Variants in SLC1A2 observed in about 807,000 individuals in gnomAD.
The protein encoded by SLC1A2 is excitatory amino acid transporter 2.
In SLC1A2, 15 loss-of-function variants were observed where a neutral mutation model predicts 48.8. The ratio of observed to expected loss-of-function variants is 0.31; its 90% CI spans 0.21 to 0.47. SLC1A2 has a LOEUF of 0.47. Ranked by LOEUF, SLC1A2 falls within the 20% of genes least tolerant of loss-of-function variation. The probability of loss-of-function intolerance (pLI) is 0.99; values close to 1 mark genes in which losing one functional copy is unlikely to be tolerated. For synonymous variants in SLC1A2, 279 were observed against 272.6 expected (o/e 1.02, Z -0.23); for missense variants, 502 against 730.5 (o/e 0.69, Z 3.61).
chr11:35,319,407 G>A (rs527998370), intron 1 of SLC1A2, among the ~76,000 whole-genome samples: 2 of 152,150 alleles, frequency 1.3e-5, no homozygotes, highest in South Asian at 2.1e-4. Flanking sequence ...GGTAGTATGC[G>A]TTCTGAAATG....
At chr11:35,263,040 G>A (rs1950417621) in intron 10 of SLC1A2, among the ~76,000 whole-genome samples, 1 of 152,192 alleles carries the variant, frequency 6.6e-6, no homozygotes. Flanking sequence ...CCTACAACAT[G>A]CCAGACACTA....
Position 35,317,487 on chromosome 11 carries a change from A to G in SLC1A2, c.47T>C (p.Val16Ala). 6.2e-7 allele frequency: 1 copy of G among 1,614,020 alleles called. No homozygotes were observed. The highest frequency in any genetic ancestry group is 8.5e-7 in the Non-Finnish European group (1 of 1,179,990). The change falls in exon 2 of 11, where the codon GTG (valine) becomes GCG (alanine). Residue 16 changes from valine to alanine, a missense_variant. By Grantham distance (64) the Val-to-Ala change is moderately conservative. Transcript: ENST00000278379. ...GCCAAGATGACTGTCGTGCATTCGC[A>G]CTTCCACCTGCTTGGGCATATTGTT... is the stretch of plus-strand genomic sequence containing the variant. ...GANNMPKQVE[V>A]RMHDSHLGSE...
intron 1 of SLC1A2, among the ~76,000 whole-genome samples, chr11:35,333,344 G>C (rs1852492635): frequency 6.6e-6 from 1 of 151,664 alleles, no homozygotes; most frequent in Admixed American, 6.6e-5. Context: ...TTGAACCTGG[G>C]AGGCGGAGGC....
chr11:35,379,681 A>G (rs1169437011), intron 1 of SLC1A2, among the ~76,000 whole-genome samples: 1 of 152,246 alleles, frequency 6.6e-6, no homozygotes, highest in East Asian at 1.9e-4. Context: ...TTATGGATGG[A>G]AACAATGCTA....
intron 1 of SLC1A2, among the ~76,000 whole-genome samples, chr11:35,358,059 C>T (rs979428605): frequency 1.3e-5 from 2 of 151,914 alleles, no homozygotes; most frequent in Admixed American, 6.6e-5. Flanking sequence ...GCAGTAGAAT[C>T]GCTCAAACCC....
rs76927024 is a variant in SLC1A2, at chr11:35,416,867, A to G, written c.17+2083T>C. Among the ~76,000 whole-genome samples the G allele has an allele frequency of 4.2e-3, 634 of 152,368 alleles. 29 individuals carry two copies. The East Asian group carries it at 0.095, about 23-fold the overall frequency. ...ATGAGTCCACGTGAACAATTTACTAATAAAAATCCTTGACTGGATGGAGCT... is the reference window on the plus strand; with the variant it reads ...ATGAGTCCACGTGAACAATTTACTAGTAAAAATCCTTGACTGGATGGAGCT... On this transcript the variant is annotated intron_variant, in intron 1 of 10. Transcript: ENST00000278379.
intron 10 of SLC1A2, among the ~76,000 whole-genome samples, chr11:35,263,671 T>C (rs1330223769): frequency 1.3e-5 from 2 of 152,206 alleles, no homozygotes; most frequent in Non-Finnish European, 2.9e-5. Flanking sequence ...AATATAATTA[T>C]GAAATGTTTA....
intron 4 of SLC1A2, among the ~76,000 whole-genome samples, chr11:35,308,652 G>A (rs1161491327): frequency 6.6e-6 from 1 of 152,146 alleles, no homozygotes; most frequent in Non-Finnish European, 1.5e-5. Context: ...TCCCATCCAT[G>A]AAAGCAGAGA....
At chr11:35,367,659 T>C (rs961439305) in intron 1 of SLC1A2, among the ~76,000 whole-genome samples, 1 of 152,234 alleles carries the variant, frequency 6.6e-6, no homozygotes, top group Non-Finnish European at 1.5e-5. Flanking sequence ...TGACGTTTAT[T>C]ATGATCCACG....
intron 1 of SLC1A2, among the ~76,000 whole-genome samples, chr11:35,413,029 G>T (rs911972132): frequency 2.0e-5 from 3 of 152,192 alleles, no homozygotes; most frequent in Non-Finnish European, 4.4e-5. Flanking sequence ...ACATAGAAAT[G>T]AGATTTTGAA....
At chr11:35,409,778 G>A (rs780993920) in intron 1 of SLC1A2, among the ~76,000 whole-genome samples, 19 of 152,062 alleles carry the variant, frequency 1.2e-4, no homozygotes, top group South Asian at 4.2e-4. Context: ...GCATCGTGGT[G>A]CGTACCTGTA....
intron 1 of SLC1A2, among the ~76,000 whole-genome samples, chr11:35,412,950 A>G (rs1459956845): frequency 6.6e-6 from 1 of 150,894 alleles, no homozygotes; most frequent in African/African-American, 2.4e-5. Context: ...CCCAGACCAA[A>G]GTTAAAGAAA....
At chr11:35,316,654 T>C (rs189096017) in intron 2 of SLC1A2, 4 of 152,468 alleles carry the variant, frequency 2.6e-5, no homozygotes, top group Admixed American at 1.3e-4. Context: ...CTGTGAAACC[T>C]AAGTGAGAGC....
At chr11:35,325,323 T>C (rs1413610810) in intron 1 of SLC1A2, among the ~76,000 whole-genome samples, 2 of 152,228 alleles carry the variant, frequency 1.3e-5, no homozygotes, top group Non-Finnish European at 2.9e-5. Context: ...GTTTGCTTTG[T>C]AGATGCAGTT....
chr11:35,301,617 G>A lies in SLC1A2; in HGVS notation c.759C>T (p.Gly253=). The A allele has an allele frequency of 6.2e-7, 1 of 1,613,680 alleles. No individual in the cohort carries two copies. The change falls in exon 6 of 11, where the codon GGC becomes GGT. Residue 253 remains glycine (G), a synonymous_variant. Transcript: ENST00000278379. ...LGLIGFFIAF[G]IAMGKMGDQA... The stretch of plus-strand genomic sequence containing the variant: ...GATCTCCCATCTTCCCCATAGCGAT[G>A]CCAAAAGCAATGAAAAACCCTATCA...
intron 1 of SLC1A2, among the ~76,000 whole-genome samples, chr11:35,319,279 T>C (rs560302408): frequency 6.6e-5 from 10 of 152,318 alleles, no homozygotes; most frequent in Admixed American, 6.5e-4. Flanking sequence ...CAAAATGACC[T>C]TTTTAACGTG....
intron 2 of SLC1A2, chr11:35,315,664 G>A (rs114930762): frequency 0.033 from 5,108 of 154,810 alleles, 94 homozygotes; most frequent in Middle Eastern, 0.063. Context: ...GTGTGGTGGC[G>A]GAAACCTGTA....
At chr11:35,328,341 A>G (rs902257873) in intron 1 of SLC1A2, among the ~76,000 whole-genome samples, 45 of 152,208 alleles carry the variant, frequency 3.0e-4, no homozygotes, top group African/African-American at 1.0e-3. Context: ...AATAATAAGA[A>G]TAATGATGGT....
chr11:35,325,231 A>T (rs182541107), intron 1 of SLC1A2, among the ~76,000 whole-genome samples: 3 of 152,142 alleles, frequency 2.0e-5, no homozygotes, highest in East Asian at 3.9e-4. Context: ...CCACCCTCCA[A>T]CCCAGCCTTC....
Sources: allele counts gnomAD v4.1 joint callset (sites outside exome capture counted in the v4.1 genomes callset), GRCh38; gene constraint gnomAD v4.1.1; transcripts MANE v1.5; gene names NCBI Gene and HGNC (gene_info 2026-07-23, HGNC 2026-07-21).